BNC2: variants seen among roughly 807,000 people sequenced by gnomAD.
The protein encoded by BNC2 is zinc finger protein basonuclin-2.
In BNC2, 20 loss-of-function variants were observed where a neutral mutation model predicts 76.3. That is an observed-to-expected ratio of 0.26 (90% confidence interval 0.18 to 0.38). The LOEUF (loss-of-function observed/expected upper bound fraction) is 0.38, where lower values mean the gene tolerates loss of function less well. BNC2 is among the 10% of genes least tolerant of loss of function. The pLI is 1.00. For missense variants in BNC2, 1,382 were observed against 1,399.8 expected (o/e 0.99, Z 0.20); for synonymous variants, 582 against 514.8 (o/e 1.13, Z -1.77).
At chr9:16,753,540 G>A (rs1172108085) in intron 1 of BNC2, among the ~76,000 whole-genome samples, 3 of 152,200 alleles carry the variant, frequency 2.0e-5, no homozygotes, top group East Asian at 3.9e-4. Context: ...CAGTGGAGTT[G>A]TGTTCACTAT....
chr9:16,820,255 G>A (rs548091185), intron 1 of BNC2, among the ~76,000 whole-genome samples: 18 of 146,602 alleles, frequency 1.2e-4, no homozygotes, highest in South Asian at 4.4e-4. Context: ...GTGAAACCCC[G>A]TCTCTACCAA....
intron 1 of BNC2, among the ~76,000 whole-genome samples, chr9:16,755,197 A>C (rs927129938): frequency 3.9e-5 from 6 of 152,184 alleles, no homozygotes; most frequent in African/African-American, 1.4e-4. Context: ...GTTCAAAAAG[A>C]GAGAGCAAGA....
intron 1 of BNC2, among the ~76,000 whole-genome samples, chr9:16,826,640 T>C (rs1440938683): frequency 6.6e-6 from 1 of 152,200 alleles, no homozygotes; most frequent in East Asian, 1.9e-4. Context: ...GACTGAAATA[T>C]AGTAAACAAG....
At chr9:16,721,822 G>A (rs1405908137) in intron 3 of BNC2, among the ~76,000 whole-genome samples, 1 of 152,082 alleles carries the variant, frequency 6.6e-6, no homozygotes, top group Non-Finnish European at 1.5e-5. Flanking sequence ...GGGGGAAAAA[G>A]GAGTTAATTC....
intron 1 of BNC2, among the ~76,000 whole-genome samples, chr9:16,852,898 G>T (rs1417126724): frequency 6.6e-6 from 1 of 152,200 alleles, no homozygotes; most frequent in African/African-American, 2.4e-5. Flanking sequence ...AAATCAGCAA[G>T]GCTGGATTAG....
intron 1 of BNC2, among the ~76,000 whole-genome samples, chr9:16,760,302 T>A (rs1825516692): frequency 6.6e-6 from 1 of 152,188 alleles, no homozygotes; most frequent in Admixed American, 6.5e-5. Context: ...GGGTGGAATA[T>A]AAATAGCTAA....
At chr9:16,859,365 A>T (rs1005379858) in intron 1 of BNC2, among the ~76,000 whole-genome samples, 4 of 152,246 alleles carry the variant, frequency 2.6e-5, no homozygotes, top group Non-Finnish European at 5.9e-5. Flanking sequence ...AAAGATTGAA[A>T]GCAGTATCTT....
At position 16,827,642 on chromosome 9, in the gene BNC2, G is replaced by C. The variant is rs142734777; in HGVS notation, c.3+43004C>G. ...AACCTAAAAATGGGGTGCGTGCAAA[G>C]GAGTGGAATTTGTGAGTACTGGTGA... is the stretch of plus-strand genomic sequence containing the variant. On this transcript the variant is annotated intron_variant, in intron 1 of 6. Transcript: ENST00000380672. Among the ~76,000 whole-genome samples the C allele has an allele frequency of 2.6e-5, 4 of 152,210 alleles. 1 individual carries two copies. The South Asian group carries it at 8.3e-4, about 32-fold the overall frequency.
chr9:16,477,230 G>C (rs1182091134), intron 5 of BNC2, among the ~76,000 whole-genome samples: 1 of 152,190 alleles, frequency 6.6e-6, no homozygotes, highest in Non-Finnish European at 1.5e-5. Context: ...CTGCCCTCCA[G>C]CGTGGGTGAC....
chr9:16,532,773 C>T (rs189471295), intron 5 of BNC2, among the ~76,000 whole-genome samples: 7 of 152,312 alleles, frequency 4.6e-5, no homozygotes, highest in African/African-American at 9.6e-5. Flanking sequence ...TTACTTGCTT[C>T]TACTTACGTC....
chr9:16,722,747 G>T (rs920059547), intron 3 of BNC2, among the ~76,000 whole-genome samples: 29 of 152,158 alleles, frequency 1.9e-4, no homozygotes, highest in Admixed American at 1.9e-3. Context: ...ATATGTTTGT[G>T]CATGCTTTAC....
intron 3 of BNC2, among the ~76,000 whole-genome samples, chr9:16,648,223 C>G (rs9886876): frequency 0.57 from 85,986 of 152,074 alleles, 26,316 homozygotes; most frequent in African/African-American, 0.81. Flanking sequence ...CTATGAAAAA[C>G]GAAAACTGCT....
intron 5 of BNC2, among the ~76,000 whole-genome samples, chr9:16,479,018 G>A (rs577198515): frequency 3.0e-4 from 46 of 152,178 alleles, no homozygotes; most frequent in African/African-American, 9.9e-4. Context: ...TTGGAAGGCC[G>A]AAGTGGGCAG....
chr9:16,591,480 T>TTA (rs1490876584), intron 3 of BNC2, among the ~76,000 whole-genome samples: 1 of 152,218 alleles, frequency 6.6e-6, no homozygotes, highest in African/African-American at 2.4e-5. Flanking sequence ...TATCTAATTC[T>TTA]GACCATGAGA....
At chr9:16,869,251 T>C (rs972060030) in intron 1 of BNC2, among the ~76,000 whole-genome samples, 1 of 152,144 alleles carries the variant, frequency 6.6e-6, no homozygotes, top group Non-Finnish European at 1.5e-5. Flanking sequence ...TTTGCCACTT[T>C]AATCCTGGGT....
chr9:16,738,434 C>A lies in BNC2; in HGVS notation c.55G>T (p.Asp19Tyr). 1.9e-6 allele frequency: 3 copies of A among 1,614,054 alleles called. No individual in the cohort carries two copies. The highest frequency in any genetic ancestry group is 2.5e-6 in the Non-Finnish European group (3 of 1,179,974). ...PPHSLNYKSE[D>Y]RLSEQDWPAY... ...GGCCAGTCTTGCTCACTAAGCCTGT[C>A]CTCTGATTTGTAATTAAGGCTATGT... Residue 19 changes from aspartate to tyrosine, a missense_variant, in exon 2 of 7, where the codon GAC (aspartate) becomes TAC (tyrosine). By Grantham distance (160) the Asp-to-Tyr change is radical. Around this residue, in one of 3 missense-constraint regions of BNC2, gnomAD observed 557 missense variants for 540.9 expected, o/e 1.03. Transcript: ENST00000380672.
At chr9:16,847,485 C>T (rs1164202692) in intron 1 of BNC2, among the ~76,000 whole-genome samples, 1 of 107,442 alleles carries the variant, frequency 9.3e-6, no homozygotes, top group East Asian at 3.1e-4. Context: ...TTATAAAATT[C>T]ATTTGGTTAA....
At chr9:16,761,035 G>A (rs1330335704) in intron 1 of BNC2, among the ~76,000 whole-genome samples, 4 of 151,526 alleles carry the variant, frequency 2.6e-5, no homozygotes, top group Admixed American at 6.6e-5. Context: ...TTGAGCCCAA[G>A]AGTTCAAGAC....
intron 5 of BNC2, among the ~76,000 whole-genome samples, chr9:16,531,312 T>C (rs1277432179): frequency 6.6e-6 from 1 of 151,974 alleles, no homozygotes; most frequent in East Asian, 1.9e-4. Flanking sequence ...TTCCAAAGGC[T>C]TCTCCTTCAC....
Sources: gnomAD v4.1 joint callset for allele counts (sites outside exome capture counted in the v4.1 genomes callset) on GRCh38, gnomAD v4.1.1 for gene constraint, gnomAD v4.1.1 regional missense constraint, MANE v1.5 for transcripts, NCBI Gene and HGNC (gene_info 2026-07-23, HGNC 2026-07-21) for gene names.